The following GPR34 variants were observed in gnomAD, a reference collection of about 807,000 sequenced individuals.
The protein encoded by GPR34 is G protein-coupled receptor 34.
GPR34 carries 3 observed loss-of-function variants against 14.1 expected under a neutral mutation model. The observed-to-expected ratio is 0.21, with a 90% CI of 0.10 to 0.55. GPR34 has a LOEUF of 0.55. Among genes scored for constraint, GPR34 ranks in the 20% least tolerant of loss-of-function variants. The probability of loss-of-function intolerance (pLI) is 0.94; values close to 1 mark genes in which losing one functional copy is unlikely to be tolerated. For synonymous variants in GPR34, 99 were observed against 99.9 expected (o/e 0.99, Z 0.05); for missense variants, 213 against 292.8 (o/e 0.73, Z 1.99).
chrX:41,696,745 C>A lies in GPR34; in HGVS notation c.1112C>A (p.Ala371Glu). ...TACTCCCTGCATGATACATCTGTGG[C>A]AGTGAAAATACAGTCTAGTTCTAAA... is the stretch of plus-strand genomic sequence containing the variant. ...PGYSLHDTSV[A>E]VKIQSSSKST The change falls in exon 3 of 3, where the codon GCA becomes GAA. Residue 371 changes from alanine (A) to glutamate (E), a missense_variant. Physicochemically the swap from Ala to Glu is moderately radical, Grantham distance 107. Coordinates refer to ENST00000378142, the MANE Select transcript of GPR34 (RefSeq NM_001097579.2). The A allele has an allele frequency of 1.7e-6, 2 of 1,194,972 alleles. No individual in the cohort carries two copies. The highest frequency in any genetic ancestry group is 2.3e-6 in the Non-Finnish European group (2 of 884,472).
chrX:41,696,327 T>A lies in GPR34; in HGVS notation c.694T>A (p.Leu232Ile), dbSNP rs2067688467. The change falls in exon 3 of 3, where the codon TTA becomes ATA. Residue 232 changes from leucine to isoleucine, a missense_variant. Physicochemically the swap from Leu to Ile is conservative, Grantham distance 5. Coordinates refer to ENST00000378142, the MANE Select transcript of GPR34 (RefSeq NM_001097579.2). ...ILVVMFWLIFLLIILSYIKIG... is the reference protein window; with the variant it reads ...ILVVMFWLIFILIILSYIKIG... Reference sequence around the variant, plus strand: ...TGTGGTAATGTTCTGGCTAATTTTCTTACTAATAATCCTTTCATATATTAA... The same window carrying A: ...TGTGGTAATGTTCTGGCTAATTTTCATACTAATAATCCTTTCATATATTAA... 6.0e-6 allele frequency: 7 copies of A among 1,173,324 alleles called. No individual in the cohort carries two copies. Among genetic ancestry groups the A allele is most frequent in the Non-Finnish European group, 8.0e-6 (7 of 874,757 alleles).
At chrX:41,691,947 T>A (rs1172459689) in intron 2 of GPR34, among the ~76,000 whole-genome samples, 3 of 109,021 alleles carry the variant, frequency 2.8e-5, no homozygotes, top group Non-Finnish European at 3.8e-5. Flanking sequence ...GACAGGTTCA[T>A]GCTATGTTGC....
rs577599956 is a variant in GPR34 at position 41,689,825 on chromosome X, T to C, written c.-90T>C. On this transcript the variant is annotated 5_prime_UTR_variant, in exon 2 of 3. Transcript: ENST00000378142. ...TAAAAACGGTGAAAGGTTGCGACTATTACCAAATAGGTATGTATTTCAACA... is the reference window on the plus strand; with the variant it reads ...TAAAAACGGTGAAAGGTTGCGACTACTACCAAATAGGTATGTATTTCAACA... 5 of 111,972 alleles carry C rather than the reference T, an allele frequency of 4.5e-5. No individual in the cohort carries two copies. Among genetic ancestry groups the C allele is most frequent in the East Asian group, 2.8e-4 (1 of 3,580 alleles). The allele number at this position is 111,972 out of a possible 1,213,427, so 9.2% of individuals were successfully genotyped here.
intron 2 of GPR34, among the ~76,000 whole-genome samples, chrX:41,692,175 C>T (rs915698902): frequency 1.8e-5 from 2 of 112,191 alleles, no homozygotes; most frequent in African/African-American, 6.5e-5. Flanking sequence ...ACAGAAAGTA[C>T]TAAATAAATA....
chrX:41,690,090 T>C (rs1045969091), intron 2 of GPR34, among the ~76,000 whole-genome samples: 3 of 111,631 alleles, frequency 2.7e-5, no homozygotes, highest in African/African-American at 9.8e-5. Context: ...TATCTACTAT[T>C]ACAAAACTAT....
rs768259804 is a variant in GPR34 at position 41,695,840 on chromosome X, G to A, written c.207G>A (p.Leu69=). ...ACTCTGTTATTTTCATCGTGGGACT[G>A]GTTGGGAACATAATCGCCCTCTATG... ...TSYSVIFIVG[L]VGNIIALYVF... The change falls in exon 3 of 3, where the codon CTG becomes CTA. Residue 69 remains leucine, a synonymous_variant. Transcript: ENST00000378142. 18 of 1,201,361 alleles carry A rather than the reference G, an allele frequency of 1.5e-5. No homozygotes were observed. Among genetic ancestry groups the A allele is most frequent in the Non-Finnish European group, 1.9e-5 (17 of 887,318 alleles).
Position 41,695,690 on chromosome X carries a change from C to T in GPR34, c.57C>T (p.Ser19=). 2 of 1,205,195 alleles carry T rather than the reference C, an allele frequency of 1.7e-6. No homozygotes were observed. Among genetic ancestry groups the T allele is most frequent in the Non-Finnish European group, 2.2e-6 (2 of 890,037 alleles). ...CTTCAGTCAGCAGCTGGCCTTACTC[C>T]TCCCACAGAATGCGCTTTATAACCA... is the stretch of plus-strand genomic sequence containing the variant. ...TTTSVSSWPY[S]SHRMRFITNH... Residue 19 remains serine, a synonymous_variant, in exon 3 of 3, where the codon TCC becomes TCT. Transcript: ENST00000378142.
intron 2 of GPR34, 137 bp from the exon 3 acceptor site, chrX:41,695,418 C>A (rs1354638981): frequency 3.1e-6 from 1 of 326,337 alleles, no homozygotes; most frequent in Non-Finnish European, 5.4e-6. Context: ...TGGGTTCAAG[C>A]AATCCTTCTG....
At chrX:41,690,698 A>G (rs1432855429) in intron 2 of GPR34, among the ~76,000 whole-genome samples, 1 of 102,541 alleles carries the variant, frequency 9.8e-6, no homozygotes, top group East Asian at 3.0e-4. Flanking sequence ...TTTTGAGACA[A>G]GGTCTTACTC....
At position 41,696,174 on chromosome X, in the gene GPR34, C is replaced by T; in HGVS notation, c.541C>T (p.Leu181Phe). Residue 181 changes from leucine to phenylalanine, a missense_variant, in exon 3 of 3, where the codon CTT becomes TTT. Leu to Phe is a conservative substitution (Grantham distance 22). Transcript: ENST00000378142. ...TTATGTCTGTTGTATAGTATGGATG[C>T]TTGCTCTTGGTGGATTCCTAACTAT... ...SIYVCCIVWM[L>F]ALGGFLTMII... The T allele has an allele frequency of 8.3e-7, 1 of 1,206,185 alleles. No individual in the cohort carries two copies. Among genetic ancestry groups the T allele is most frequent in the Non-Finnish European group, 1.1e-6 (1 of 890,935 alleles).
chrX:41,690,656 C>A (rs1011981732), intron 2 of GPR34, among the ~76,000 whole-genome samples: 2 of 106,315 alleles, frequency 1.9e-5, no homozygotes, highest in African/African-American at 6.9e-5. Context: ...CCACTGCTCC[C>A]GGCCAATTTT....
At chrX:41,694,643 C>T (rs2067643145) in intron 2 of GPR34, among the ~76,000 whole-genome samples, 1 of 111,936 alleles carries the variant, frequency 8.9e-6, no homozygotes. Flanking sequence ...CGTTATTACT[C>T]TATGCTTCTA....
intron 2 of GPR34, among the ~76,000 whole-genome samples, chrX:41,693,575 T>C (rs944934105): frequency 8.9e-6 from 1 of 111,900 alleles, no homozygotes; most frequent in African/African-American, 3.2e-5. Context: ...GATCACGCCA[T>C]TGCACTCTAG....
In GPR34 at chrX:41,697,017, A is replaced by T; in HGVS notation, c.*238A>T. On this transcript the variant is annotated 3_prime_UTR_variant, in exon 3 of 3. Transcript: ENST00000378142. The stretch of plus-strand genomic sequence containing the variant: ...ACTCTTAACATAGATTATGAAGTTA[A>T]GTGAAATTTATGGCTCTAACAGCAA... 1 of 272,864 alleles carries T rather than the reference A, an allele frequency of 3.7e-6. No individual in the cohort carries two copies. The highest frequency in any genetic ancestry group is 6.8e-6 in the Non-Finnish European group (1 of 147,746). 22.5% of individuals were successfully genotyped at this position (272,864 alleles called of 1,213,427 possible).
intron 1 of GPR34, 57 bp from the exon 2 acceptor site, chrX:41,689,686 A>G (rs1311336912): frequency 2.7e-5 from 3 of 111,452 alleles, no homozygotes; most frequent in African/African-American, 9.8e-5. Flanking sequence ...AACCTAACAC[A>G]CTATTAATAG....
intron 2 of GPR34, among the ~76,000 whole-genome samples, chrX:41,691,758 T>C (rs1457523923): frequency 9.7e-6 from 1 of 103,252 alleles, no homozygotes; most frequent in Non-Finnish European, 1.9e-5. Flanking sequence ...GGAGAACTGC[T>C]TGAACTCGGG....
At chrX:41,692,082 C>G (rs1216360536) in intron 2 of GPR34, among the ~76,000 whole-genome samples, 1 of 111,297 alleles carries the variant, frequency 9.0e-6, no homozygotes, top group Non-Finnish European at 1.9e-5. Flanking sequence ...TTCATTACCT[C>G]TTTTGTGATA....
At chrX:41,690,690 T>C (rs1339849201) in intron 2 of GPR34, among the ~76,000 whole-genome samples, 1 of 104,112 alleles carries the variant, frequency 9.6e-6, no homozygotes, top group African/African-American at 3.5e-5. Flanking sequence ...TTCTTTTTTT[T>C]TGAGACAAGG....
chrX:41,690,026 T>C (rs1456234935), intron 2 of GPR34, among the ~76,000 whole-genome samples, 191 bp downstream of exon 2: 1 of 111,242 alleles, frequency 9.0e-6, no homozygotes, highest in Non-Finnish European at 1.9e-5. Flanking sequence ...GCACTAATAC[T>C]AGGTTTTTGA....
Sources: allele counts gnomAD v4.1 joint callset (sites outside exome capture counted in the v4.1 genomes callset), GRCh38; gene constraint gnomAD v4.1.1; transcripts MANE v1.5; gene names NCBI Gene and HGNC (gene_info 2026-07-23, HGNC 2026-07-21).